Variants in AKAP9 observed in about 807,000 individuals in gnomAD.
AKAP9 encodes the protein A-kinase anchoring protein 9.
AKAP9 carries 311 observed loss-of-function variants against 488.5 expected under a neutral mutation model. The ratio of observed to expected loss-of-function variants is 0.64; its 90% CI spans 0.58 to 0.70. AKAP9 has a LOEUF of 0.70. Ranked by LOEUF, AKAP9 falls within the 30% of genes least tolerant of loss-of-function variation. The probability of loss-of-function intolerance (pLI) is 0.00; values close to 1 mark genes in which losing one functional copy is unlikely to be tolerated. For missense variants in AKAP9, 4,215 were observed against 4,374.5 expected (o/e 0.96, Z 1.03); for synonymous variants, 1,462 against 1,483.5 (o/e 0.99, Z 0.33).
chr7:92,031,897 G>C (rs1804317113), intron 16 of AKAP9, among the ~76,000 whole-genome samples: 2 of 152,204 alleles, frequency 1.3e-5, no homozygotes, highest in Non-Finnish European at 2.9e-5. Flanking sequence ...TAAAAGTTGG[G>C]AAGAAGATAG....
In AKAP9 at chr7:92,089,469, C is replaced by T. The variant is rs1815162095; in HGVS notation, c.9298C>T (p.Gln3100Ter). 6.2e-7 allele frequency: 1 copy of T among 1,613,138 alleles called. No homozygotes were observed. Among genetic ancestry groups the T allele is most frequent in the Non-Finnish European group, 8.5e-7 (1 of 1,179,712 alleles). ...ATCTGAAATTCAGGCACTGCATGCA[C>T]AAATGAATGGTAGGAAAATTACTCT... ...LLSEIQALHAQMNGRKITLKR... is the reference protein window; with the variant it reads ...LLSEIQALHA Residue 3100 changes from glutamine to a stop codon, truncating the protein, a stop_gained, in exon 38 of 50, where the codon CAA becomes TAA. Transcript: ENST00000356239. LOFTEE classifies it high-confidence loss of function.
At chr7:92,021,759 T>C (rs1401297601) in intron 12 of AKAP9, among the ~76,000 whole-genome samples, 1 of 152,206 alleles carries the variant, frequency 6.6e-6, no homozygotes, top group African/African-American at 2.4e-5. Context: ...CTGAGATTTA[T>C]CTATTTTCAT....
At chr7:92,034,424 A>G (rs1441249353) in intron 16 of AKAP9, among the ~76,000 whole-genome samples, 1 of 151,168 alleles carries the variant, frequency 6.6e-6, no homozygotes. Flanking sequence ...AAAGACAGCA[A>G]GGGCTCACAC....
intron 28 of AKAP9, among the ~76,000 whole-genome samples, chr7:92,072,044 A>G (rs1010179898): frequency 6.6e-6 from 1 of 152,154 alleles, no homozygotes; most frequent in African/African-American, 2.4e-5. Flanking sequence ...GCTAACATTT[A>G]AAGATTTCCC....
At chr7:92,038,845 A>G in intron 17 of AKAP9, 73 bp downstream of exon 17, 2 of 1,000,532 alleles carry the variant, frequency 2.0e-6, no homozygotes, top group Admixed American at 2.2e-5. Flanking sequence ...AATATTAGCA[A>G]TAGTGCTGCT....
chr7:92,098,292 C>T (rs1271329799), intron 43 of AKAP9, 78 bp downstream of exon 43: 1 of 834,934 alleles, frequency 1.2e-6, no homozygotes, highest in Non-Finnish European at 2.0e-6. Context: ...AAACTTGCAG[C>T]ATATTCTTTA....
chr7:92,065,486 C>G, intron 25 of AKAP9, 23 bp downstream of exon 25: 1 of 1,515,656 alleles, frequency 6.6e-7, no homozygotes, highest in South Asian at 1.1e-5. Flanking sequence ...AAGTTGAATA[C>G]TGATTTTTCT....
At chr7:92,036,596 T>C (rs952352589) in intron 16 of AKAP9, among the ~76,000 whole-genome samples, 1 of 152,220 alleles carries the variant, frequency 6.6e-6, no homozygotes, top group Non-Finnish European at 1.5e-5. Flanking sequence ...TATATCCTCC[T>C]GGAACTCTAA....
intron 24 of AKAP9, 97 bp downstream of exon 24, chr7:92,062,583 T>G: frequency 1.0e-6 from 1 of 953,330 alleles, no homozygotes; most frequent in Non-Finnish European, 1.6e-6. Context: ...GTGCCATTAT[T>G]CATATATTTT....
intron 1 of AKAP9, among the ~76,000 whole-genome samples, chr7:91,965,243 G>C (rs187741401): frequency 6.6e-6 from 1 of 152,106 alleles, no homozygotes; most frequent in Non-Finnish European, 1.5e-5. Context: ...CTCACTATTT[G>C]CATCTACTTT....
Position 92,012,459 on chromosome 7 carries a change from C to T in AKAP9, c.3349C>T (p.Arg1117Cys), listed in dbSNP as rs1277410775. 16 of 1,613,858 alleles carry T rather than the reference C, an allele frequency of 9.9e-6. No individual in the cohort carries two copies. The highest frequency in any genetic ancestry group is 6.7e-5 in the East Asian group (3 of 44,856). ...NDLRLQMEAQ[R>C]ICLSLVYSTH... is the part of the protein sequence containing the mutation. ...TTTAAGGCTACAGATGGAAGCCCAA[C>T]GCATTTGCCTCTCTCTGGTTTATTC... Residue 1117 changes from arginine to cysteine, a missense_variant, in exon 9 of 50, where the codon CGC becomes TGC. Arg to Cys is a radical substitution (Grantham distance 180). Transcript: ENST00000356239.
intron 31 of AKAP9, among the ~76,000 whole-genome samples, chr7:92,082,131 C>T (rs569953548): frequency 9.2e-5 from 14 of 152,136 alleles, no homozygotes; most frequent in Admixed American, 2.6e-4. Context: ...GACAGGGTTT[C>T]GCCACGTTGC....
At chr7:91,963,145 T>G (rs1271881992) in intron 1 of AKAP9, among the ~76,000 whole-genome samples, 1 of 152,134 alleles carries the variant, frequency 6.6e-6, no homozygotes, top group Admixed American at 6.5e-5. Context: ...GATAATATAT[T>G]TAGCAGTATT....
intron 4 of AKAP9, 89 bp downstream of exon 4, chr7:91,992,300 T>G: frequency 1.1e-6 from 1 of 930,214 alleles, no homozygotes; most frequent in Non-Finnish European, 1.8e-6. Flanking sequence ...CTGCATGTAC[T>G]TCTTTCTGTG....
At chr7:91,951,325 T>C (rs1792219067) in intron 1 of AKAP9, among the ~76,000 whole-genome samples, 1 of 152,070 alleles carries the variant, frequency 6.6e-6, no homozygotes, top group Middle Eastern at 3.2e-3. Flanking sequence ...CTCTTTTTTT[T>C]CTTTTCTTTC....
At chr7:91,982,162 C>CGTAT (rs1482852570) in intron 3 of AKAP9, among the ~76,000 whole-genome samples, 4 of 148,740 alleles carry the variant, frequency 2.7e-5, no homozygotes, top group African/African-American at 5.0e-5. Flanking sequence ...AAGTATTTTA[C>CGTAT]GTACGTATGT....
At chr7:91,980,237 A>G (rs1199428693) in intron 2 of AKAP9, 52 bp from the exon 3 acceptor site, 4 of 1,122,224 alleles carry the variant, frequency 3.6e-6, no homozygotes, top group Non-Finnish European at 4.0e-6. Context: ...GTAAAGTATG[A>G]TATTTAGCAC....
chr7:92,084,643 T>C lies in AKAP9; in HGVS notation c.8650T>C (p.Ser2884Pro). 1 of 1,606,350 alleles carries C rather than the reference T, an allele frequency of 6.2e-7. No individual in the cohort carries two copies. ...ACTTTTTGTTTTCTCTAATTAGGGATCCTCAATTCCTGAGCTAGCACATTC... is the reference window on the plus strand; with the variant it reads ...ACTTTTTGTTTTCTCTAATTAGGGACCCTCAATTCCTGAGCTAGCACATTC... ...VIQCLRSKEG[S>P]SIPELAHSDA... is the part of the protein sequence containing the mutation. Residue 2884 changes from serine to proline, a missense_variant, in exon 34 of 50, where the codon TCC becomes CCC. Physicochemically the swap from Ser to Pro is moderately conservative, Grantham distance 74 (BLOSUM62 -1). Transcript: ENST00000356239.
chr7:91,971,651 T>A (rs2130553931), intron 1 of AKAP9, among the ~76,000 whole-genome samples: 1 of 140,050 alleles, frequency 7.1e-6, no homozygotes, highest in African/African-American at 2.6e-5. Flanking sequence ...CACTGCAAGC[T>A]CTGCCTCCCG....
Sources: allele counts gnomAD v4.1 joint callset (sites outside exome capture counted in the v4.1 genomes callset), GRCh38; gene constraint gnomAD v4.1.1; transcripts MANE v1.5; gene names NCBI Gene and HGNC (gene_info 2026-07-23, HGNC 2026-07-21).